PRR5L: variants seen among roughly 807,000 people sequenced by gnomAD.
The protein encoded by PRR5L is proline rich 5 like, also known as proline-rich protein 5-like.
Under a neutral mutation model 36.4 loss-of-function variants are expected in PRR5L, and 21 were observed. The observed-to-expected ratio is 0.58, with a 90% CI of 0.41 to 0.83. The LOEUF is 0.83. Ranked by LOEUF, PRR5L falls within the 40% of genes least tolerant of loss-of-function variation. PRR5L has a pLI of 0.00. For synonymous variants in PRR5L, 188 were observed against 197.0 expected, an observed-to-expected ratio of 0.95 and a Z score of 0.38; for missense variants, 381 against 473.3, an observed-to-expected ratio of 0.80 and a Z score of 1.81.
intron 1 of PRR5L, among the ~76,000 whole-genome samples, chr11:36,384,013 A>G (rs1314976795): frequency 3.3e-5 from 5 of 152,172 alleles, no homozygotes; most frequent in Admixed American, 6.5e-5. Context: ...ATATTATTGT[A>G]GGAGCCATAT....
At chr11:36,358,099 C>A (rs1051220722) in intron 1 of PRR5L, among the ~76,000 whole-genome samples, 8 of 152,134 alleles carry the variant, frequency 5.3e-5, no homozygotes, top group African/African-American at 1.7e-4. Flanking sequence ...TGAGATAGAA[C>A]CTCCTCCTGA....
Position 36,401,129 on chromosome 11 carries a change from G to C in PRR5L, c.8G>C (p.Arg3Pro). 4 of 1,614,080 alleles carry C rather than the reference G, an allele frequency of 2.5e-6. No individual in the cohort carries two copies. The highest frequency in any genetic ancestry group is 3.4e-6 in the Non-Finnish European group (4 of 1,179,982). The change falls in exon 2 of 9, where the codon CGC becomes CCC. Residue 3 changes from arginine to proline, a missense_variant. By Grantham distance (103) the Arg-to-Pro change is moderately radical (BLOSUM62 -2). Coordinates refer to ENST00000530639, the MANE Select transcript of PRR5L (RefSeq NM_001160167.2). MT[R>P]GFAPILPVEF... ...GAACTGTCACCAGGACTTATGACCCGCGGCTTCGCTCCCATTCTGCCCGTC... is the reference window on the plus strand; with the variant it reads ...GAACTGTCACCAGGACTTATGACCCCCGGCTTCGCTCCCATTCTGCCCGTC...
At chr11:36,353,720 G>C (rs1173528590) in intron 1 of PRR5L, among the ~76,000 whole-genome samples, 1 of 152,116 alleles carries the variant, frequency 6.6e-6, no homozygotes, top group Non-Finnish European at 1.5e-5. Flanking sequence ...TAGGGTTAGC[G>C]CTCCTATAAG....
At chr11:36,356,341 A>T (rs762792512) in intron 1 of PRR5L, among the ~76,000 whole-genome samples, 2 of 152,174 alleles carry the variant, frequency 1.3e-5, no homozygotes, top group Non-Finnish European at 2.9e-5. Flanking sequence ...AGCAACAAGC[A>T]GATCATTGGC....
intron 3 of PRR5L, 96 bp from the exon 4 acceptor site, chr11:36,419,159 C>T: frequency 8.9e-7 from 1 of 1,118,586 alleles, no homozygotes; most frequent in Non-Finnish European, 1.4e-6. Flanking sequence ...AGATCTCAGA[C>T]CTGGCCCCAC....
intron 1 of PRR5L, among the ~76,000 whole-genome samples, chr11:36,316,632 C>G (rs987052513): frequency 6.6e-6 from 1 of 152,050 alleles, no homozygotes; most frequent in Non-Finnish European, 1.5e-5. Context: ...TGGGTGGTGT[C>G]AGCTGATCCA....
chr11:36,401,255 T>C lies in PRR5L; in HGVS notation c.134T>C (p.Leu45Pro). The C allele has an allele frequency of 6.2e-7, 1 of 1,612,864 alleles. No homozygotes were observed. The highest frequency in any genetic ancestry group is 8.5e-7 in the Non-Finnish European group (1 of 1,179,972). Residue 45 changes from leucine to proline, a missense_variant, in exon 2 of 9, where the codon CTG becomes CCG. By Grantham distance (98) the Leu-to-Pro change is moderately conservative (BLOSUM62 -3). Coordinates refer to ENST00000530639, the MANE Select transcript of PRR5L (RefSeq NM_001160167.2). Reference sequence around the variant, plus strand: ...CGATTCCAAGCAGCTCGGCAGGCTCTGCAGCTGAGCTCCAGCTCAGCCTGG... The same window carrying C: ...CGATTCCAAGCAGCTCGGCAGGCTCCGCAGCTGAGCTCCAGCTCAGCCTGG... ...LPRFQAARQA[L>P]QLSSSSAWNS...
At chr11:36,407,946 T>C (rs977120155) in intron 3 of PRR5L, among the ~76,000 whole-genome samples, 1 of 152,164 alleles carries the variant, frequency 6.6e-6, no homozygotes, top group African/African-American at 2.4e-5. Flanking sequence ...AAACACAGTA[T>C]TGGATCCAAA....
intron 1 of PRR5L, among the ~76,000 whole-genome samples, chr11:36,380,157 A>T (rs1434223709): frequency 6.6e-6 from 1 of 152,214 alleles, no homozygotes; most frequent in African/African-American, 2.4e-5. Flanking sequence ...TAAAATGAGG[A>T]GACAGGAGGT....
chr11:36,444,742 C>T (rs1446336790), intron 6 of PRR5L, among the ~76,000 whole-genome samples: 1 of 152,202 alleles, frequency 6.6e-6, no homozygotes, highest in African/African-American at 2.4e-5. Context: ...CTTCCTTTTT[C>T]TCTCTTCCCA....
At position 36,399,792 on chromosome 11, in the gene PRR5L, A is replaced by G. The variant is rs541137112; in HGVS notation, c.-125-1205A>G. 2.3e-4 allele frequency among the ~76,000 whole-genome samples: 35 copies of G among 152,358 alleles called. No individual in the cohort carries two copies. In the South Asian group the frequency reaches 6.6e-3, roughly 29 times the overall value. ...CATTTAGACTTTAGAGTCACTAAAG[A>G]ATAAGAGACTGAAATTACAGGTCCA... On this transcript the variant is annotated intron_variant, in intron 1 of 8. Transcript: ENST00000530639.
chr11:36,321,368 A>G (rs551331255), intron 1 of PRR5L: 2 of 152,300 alleles, frequency 1.3e-5, no homozygotes, highest in African/African-American at 4.8e-5. Context: ...AGAAAGAGTA[A>G]AGGGGCTCTC....
At chr11:36,384,694 A>C (rs1822515258) in intron 1 of PRR5L, among the ~76,000 whole-genome samples, 2 of 146,168 alleles carry the variant, frequency 1.4e-5, no homozygotes, top group Admixed American at 1.4e-4. Flanking sequence ...TTTTTTGGAG[A>C]TAGTGTCTCA....
intron 3 of PRR5L, among the ~76,000 whole-genome samples, chr11:36,412,029 T>A (rs1210196608): frequency 1.3e-5 from 2 of 152,200 alleles, no homozygotes; most frequent in Non-Finnish European, 2.9e-5. Context: ...ATTTTACTTG[T>A]GCAGTAATCC....
intron 6 of PRR5L, among the ~76,000 whole-genome samples, chr11:36,439,247 T>G (rs1304101435): frequency 6.6e-6 from 1 of 151,812 alleles, no homozygotes; most frequent in African/African-American, 2.4e-5. Context: ...TGTAGGGAAT[T>G]CCAGGGTGCA....
rs978048905 is a variant in PRR5L, at chr11:36,463,596, G to GTATC, written c.*870_*873dup. On this transcript the variant is annotated 3_prime_UTR_variant, in exon 9 of 9. Coordinates refer to ENST00000530639, the MANE Select transcript of PRR5L (RefSeq NM_001160167.2). ...CCAGCTGATACCAACCAACTGGCCT[G>GTATC]TATCTATCTATCTGGATTTGACTTG... 3 of 152,430 alleles carry GTATC rather than the reference G, an allele frequency of 2.0e-5. No individual in the cohort carries two copies. Among genetic ancestry groups the GTATC allele is most frequent in the African/African-American group, 2.4e-5 (1 of 41,362 alleles). The allele number at this position is 152,430 out of a possible 1,614,324, so 9.4% of individuals were successfully genotyped here. A position where few individuals can be genotyped will look rare whatever the true frequency, so the allele number is the denominator to read the frequency against.
chr11:36,356,812 C>A (rs764716619), intron 1 of PRR5L, among the ~76,000 whole-genome samples: 3 of 152,128 alleles, frequency 2.0e-5, no homozygotes, highest in Non-Finnish European at 4.4e-5. Context: ...TCTCCTGGGG[C>A]CTTGGTATTT....
At chr11:36,420,226 T>G (rs1380013399) in intron 4 of PRR5L, among the ~76,000 whole-genome samples, 2 of 152,218 alleles carry the variant, frequency 1.3e-5, no homozygotes, top group Non-Finnish European at 2.9e-5. Flanking sequence ...GTGCCTCAGT[T>G]TCCTCATCTG....
chr11:36,352,452 C>G (rs1294582236), intron 1 of PRR5L, among the ~76,000 whole-genome samples: 1 of 152,034 alleles, frequency 6.6e-6, no homozygotes, highest in African/African-American at 2.4e-5. Context: ...TTAATTGAGT[C>G]CCATCTATTT....
Sources: allele counts gnomAD v4.1 joint callset (sites outside exome capture counted in the v4.1 genomes callset), GRCh38; gene constraint gnomAD v4.1.1; transcripts MANE v1.5; gene names NCBI Gene and HGNC (gene_info 2026-07-23, HGNC 2026-07-21).